The following EXPH5 variants were observed in gnomAD, a reference collection of about 807,000 sequenced individuals.
The protein encoded by EXPH5 is exophilin-5.
In EXPH5, 42 loss-of-function variants were observed where a neutral mutation model predicts 41.1. The ratio of observed to expected loss-of-function variants is 1.02; its 90% CI spans 0.80 to 1.32. The LOEUF (loss-of-function observed/expected upper bound fraction) is 1.32, where lower values mean the gene tolerates loss of function less well. EXPH5 is among the 40% of genes most tolerant of loss of function. The pLI is 0.00. For missense variants in EXPH5, 2,298 were observed against 2,314.5 expected (o/e 0.99, Z 0.15); for synonymous variants, 798 against 833.5 (o/e 0.96, Z 0.73).
At chr11:108,601,143 A>G in the EXPH5 span, among the ~76,000 whole-genome samples, 1 of 152,218 alleles carries the variant, frequency 6.6e-6, no homozygotes, top group Non-Finnish European at 1.5e-5. Flanking sequence ...TGAGCAGAAA[A>G]TGTCAACCCT....
intron 1 of EXPH5, among the ~76,000 whole-genome samples, chr11:108,570,870 T>C (rs949285): frequency 0.43 from 64,911 of 152,170 alleles, 14,644 homozygotes; most frequent in Admixed American, 0.49. Flanking sequence ...AAAACTATCA[T>C]TGTTTTGGAG....
the EXPH5 span, among the ~76,000 whole-genome samples, chr11:108,602,618 C>T: frequency 6.6e-6 from 1 of 151,758 alleles, no homozygotes; most frequent in Non-Finnish European, 1.5e-5. Context: ...CAGATCACAG[C>T]TCACTGCAGC....
chr11:108,584,441 G>A (rs151275553), intron 1 of EXPH5, among the ~76,000 whole-genome samples: 1 of 151,512 alleles, frequency 6.6e-6, no homozygotes, highest in African/African-American at 2.4e-5. Flanking sequence ...TTGTGCCACC[G>A]CACTCCAGCT....
chr11:108,510,321 G>A lies in EXPH5; in HGVS notation c.5186C>T (p.Ser1729Leu). The change falls in exon 6 of 6, where the codon TCA (serine) becomes TTA (leucine). Residue 1729 changes from serine to leucine, a missense_variant. Transcript: ENST00000265843. Reference sequence around the variant, plus strand: ...GAATGTGATGGGTGATGGGGCTCCTGATTCTCTTACTAAATTCTGAGCTGC... The same window carrying A: ...GAATGTGATGGGTGATGGGGCTCCTAATTCTCTTACTAAATTCTGAGCTGC... ...VTAAQNLVRE[S>L]GAPSPITFTS... 1 of 1,614,166 alleles carries A rather than the reference G, an allele frequency of 6.2e-7. No homozygotes were observed. The highest frequency in any genetic ancestry group is 1.3e-5 in the African/African-American group (1 of 75,036).
At chr11:108,574,589 A>C (rs1467743794) in intron 1 of EXPH5, among the ~76,000 whole-genome samples, 1 of 152,136 alleles carries the variant, frequency 6.6e-6, no homozygotes, top group Non-Finnish European at 1.5e-5. Context: ...TCTAGAATGC[A>C]TTTCCCTCAA....
At chr11:108,592,256 A>G (rs925543054) in intron 1 of EXPH5, among the ~76,000 whole-genome samples, 10 of 152,094 alleles carry the variant, frequency 6.6e-5, no homozygotes, top group African/African-American at 2.2e-4. Context: ...TCATCCCTCA[A>G]AGAGTCATGT....
At chr11:108,558,981 G>C (rs1028873447) in intron 1 of EXPH5, among the ~76,000 whole-genome samples, 1 of 152,208 alleles carries the variant, frequency 6.6e-6, no homozygotes, top group Non-Finnish European at 1.5e-5. Flanking sequence ...GTGAGTGAAA[G>C]AATTAAGCTT....
At chr11:108,522,415 A>T (rs2135962803) in intron 4 of EXPH5, among the ~76,000 whole-genome samples, 1 of 152,222 alleles carries the variant, frequency 6.6e-6, no homozygotes, top group South Asian at 2.1e-4. Context: ...TACCCTATGG[A>T]GTTGGTACTC....
intron 1 of EXPH5, among the ~76,000 whole-genome samples, chr11:108,572,060 A>AG: frequency 6.6e-6 from 1 of 151,828 alleles, no homozygotes; most frequent in East Asian, 1.9e-4. Flanking sequence ...CAAAAAAAAA[A>AG]AAGGCATTGA....
chr11:108,553,845 G>C (rs72997864), intron 1 of EXPH5, among the ~76,000 whole-genome samples: 5,697 of 152,250 alleles, frequency 0.037, 189 homozygotes, highest in East Asian at 0.15. Context: ...TGTGTAAAAA[G>C]TAATTTTTCC....
Position 108,513,652 on chromosome 11 carries a change from T to C in EXPH5, c.1855A>G (p.Ile619Val). ...AATGAGGATGCTAGAGTCTGAGCAA[T>C]TCCAAATGAGGAAGCTTCTTTGTTT... ...HINKEASSFGIAQTLASSFKT... is the reference protein window; with the variant it reads ...HINKEASSFGVAQTLASSFKT... Residue 619 changes from isoleucine to valine, a missense_variant, in exon 6 of 6, where the codon ATT becomes GTT. Transcript: ENST00000265843. 2 of 1,611,608 alleles carry C rather than the reference T, an allele frequency of 1.2e-6. No individual in the cohort carries two copies. The highest frequency in any genetic ancestry group is 3.4e-5 in the Admixed American group (2 of 59,552).
At chr11:108,584,816 G>A (rs561326967) in intron 1 of EXPH5, among the ~76,000 whole-genome samples, 23 of 152,104 alleles carry the variant, frequency 1.5e-4, no homozygotes, top group Middle Eastern at 3.2e-3. Flanking sequence ...GAAATCATAG[G>A]AGAAAATGTT....
intron 1 of EXPH5, among the ~76,000 whole-genome samples, chr11:108,562,751 C>T (rs1317738089): frequency 6.6e-6 from 1 of 152,102 alleles, no homozygotes; most frequent in East Asian, 1.9e-4. Flanking sequence ...TCAAGTGAGC[C>T]CAGGAGTTCA....
the EXPH5 span, among the ~76,000 whole-genome samples, chr11:108,602,898 T>C: frequency 6.6e-6 from 1 of 152,184 alleles, no homozygotes; most frequent in Admixed American, 6.5e-5. Context: ...AAATCTCGTC[T>C]CAAATTGTAA....
intron 1 of EXPH5, among the ~76,000 whole-genome samples, chr11:108,583,151 G>C (rs1336413183): frequency 6.6e-6 from 1 of 152,094 alleles, no homozygotes; most frequent in Non-Finnish European, 1.5e-5. Context: ...GGGAGGCCAA[G>C]GTGAGCAGAT....
chr11:108,565,279 T>C (rs1445645624), intron 1 of EXPH5, among the ~76,000 whole-genome samples: 1 of 152,124 alleles, frequency 6.6e-6, no homozygotes, highest in Admixed American at 6.5e-5. Flanking sequence ...AAAATATTGG[T>C]TCTATGAAAT....
Position 108,507,707 on chromosome 11 carries a change from G to C in EXPH5, c.*1830C>G, listed in dbSNP as rs1270868571. The C allele has an allele frequency of 6.6e-6, 1 of 152,110 alleles. No homozygotes were observed. Among genetic ancestry groups the C allele is most frequent in the Non-Finnish European group, 1.5e-5 (1 of 68,034 alleles). The allele number at this position is 152,110 out of a possible 1,614,324, so 9.4% of individuals were successfully genotyped here. A position where few individuals can be genotyped will look rare whatever the true frequency, so the allele number is the denominator to read the frequency against. Reference sequence around the variant, plus strand: ...ACAAGCCCTTAGGAGCTCTGCCTTAGAATTTCCCAAGGGTTTCGTAGATGA... The same window carrying C: ...ACAAGCCCTTAGGAGCTCTGCCTTACAATTTCCCAAGGGTTTCGTAGATGA... On this transcript the variant is annotated 3_prime_UTR_variant, in exon 6 of 6. Transcript: ENST00000265843.
chr11:108,585,577 C>T (rs926572438), intron 1 of EXPH5, among the ~76,000 whole-genome samples: 31 of 152,210 alleles, frequency 2.0e-4, no homozygotes, highest in Admixed American at 5.2e-4. Context: ...CAATAGATTT[C>T]TGCTCTTTAT....
At chr11:108,533,025 G>A (rs192455852) in intron 3 of EXPH5, among the ~76,000 whole-genome samples, 2 of 152,278 alleles carry the variant, frequency 1.3e-5, no homozygotes, top group Admixed American at 1.3e-4. Context: ...TATTCTTCAG[G>A]CAGTTTTGCT....
Sources: gnomAD v4.1 joint callset for allele counts (sites outside exome capture counted in the v4.1 genomes callset) on GRCh38, gnomAD v4.1.1 for gene constraint, MANE v1.5 for transcripts, NCBI Gene and HGNC (gene_info 2026-07-23, HGNC 2026-07-21) for gene names.